Variants in ARHGAP15 observed in about 807,000 individuals in gnomAD.
ARHGAP15 encodes the protein Rho GTPase activating protein 15.
Under a neutral mutation model 63.7 loss-of-function variants are expected in ARHGAP15, and 51 were observed. The observed-to-expected ratio is 0.80, with a 90% CI of 0.64 to 1.01. ARHGAP15 has a LOEUF of 1.01. Among genes scored for constraint, ARHGAP15 ranks in the 50% least tolerant of loss-of-function variants. The probability of loss-of-function intolerance (pLI) is 0.00; values close to 1 mark genes in which losing one functional copy is unlikely to be tolerated. For missense variants in ARHGAP15, 560 were observed against 564.6 expected (o/e 0.99, Z 0.08); for synonymous variants, 191 against 193.8 (o/e 0.99, Z 0.12).
chr2:143,642,681 A>G (rs1238360807), intron 12 of ARHGAP15, among the ~76,000 whole-genome samples: 2 of 152,130 alleles, frequency 1.3e-5, no homozygotes, highest in African/African-American at 4.8e-5. Context: ...CATGTGATCT[A>G]GCAGCACAAT....
chr2:143,740,887 AT>A (rs1000659343), intron 13 of ARHGAP15, among the ~76,000 whole-genome samples: 2 of 151,858 alleles, frequency 1.3e-5, no homozygotes, highest in Non-Finnish European at 2.9e-5. Context: ...CATCCCATCC[AT>A]TTTTTTCCAG....
chr2:143,547,399 G>A (rs548665005), intron 10 of ARHGAP15, among the ~76,000 whole-genome samples: 1 of 152,032 alleles, frequency 6.6e-6, no homozygotes, highest in South Asian at 2.1e-4. Flanking sequence ...TAAGTTAAAA[G>A]GAATCATTTT....
At chr2:143,701,117 G>C (rs1684070437) in intron 12 of ARHGAP15, among the ~76,000 whole-genome samples, 1 of 151,914 alleles carries the variant, frequency 6.6e-6, no homozygotes, top group African/African-American at 2.4e-5. Flanking sequence ...TTATTTATAG[G>C]CCTTTGTGGT....
intron 13 of ARHGAP15, among the ~76,000 whole-genome samples, chr2:143,719,278 C>T (rs948404664): frequency 3.3e-5 from 5 of 152,028 alleles, no homozygotes; most frequent in South Asian, 2.1e-4. Context: ...GTTTGTGATA[C>T]GAAAAGATAA....
At chr2:143,234,259 T>C (rs935071533) in intron 5 of ARHGAP15, among the ~76,000 whole-genome samples, 1 of 152,248 alleles carries the variant, frequency 6.6e-6, no homozygotes, top group Admixed American at 6.5e-5. Flanking sequence ...TTTTATTTTG[T>C]TATAACTAGG....
chr2:143,610,971 C>T (rs1698230253), intron 11 of ARHGAP15, among the ~76,000 whole-genome samples: 1 of 152,092 alleles, frequency 6.6e-6, no homozygotes, highest in Admixed American at 6.6e-5. Flanking sequence ...TCAAGTGATC[C>T]AACCACCTTG....
In ARHGAP15 at chr2:143,622,781, TA is replaced by T. The variant is rs34925907; in HGVS notation, c.1004-1326del. ...CCTTAGAAACGATCGTTCATTTATTTAAAAAAAAAAAAAAAAAAAAAAAAAA... is the reference window on the plus strand; with the variant it reads ...CCTTAGAAACGATCGTTCATTTATTTAAAAAAAAAAAAAAAAAAAAAAAAA... On this transcript the variant is annotated intron_variant, in intron 11 of 13. Coordinates refer to ENST00000295095, the MANE Select transcript of ARHGAP15 (RefSeq NM_018460.4). Among the ~76,000 whole-genome samples the T allele has an allele frequency of 8.8e-3, 961 of 109,034 alleles. 13 individuals carry two copies. Among genetic ancestry groups the T allele is most frequent in the African/African-American group, 0.03 (870 of 28,692 alleles). The allele number at this position is 109,034 out of a possible 152,430, so 71.5% of individuals were successfully genotyped here. A position where few individuals can be genotyped will look rare whatever the true frequency, so the allele number is the denominator to read the frequency against.
At chr2:143,265,284 G>A (rs571336789) in intron 6 of ARHGAP15, among the ~76,000 whole-genome samples, 43 of 151,486 alleles carry the variant, frequency 2.8e-4, no homozygotes, top group African/African-American at 9.2e-4. Context: ...TCATTATTAG[G>A]CCAACAACTG....
chr2:143,428,988 G>A (rs1047885000), intron 6 of ARHGAP15, among the ~76,000 whole-genome samples: 1 of 151,986 alleles, frequency 6.6e-6, no homozygotes, highest in African/African-American at 2.4e-5. Flanking sequence ...AAAATTAAGA[G>A]CAATAAAAGT....
At chr2:143,385,740 C>A (rs925736587) in intron 6 of ARHGAP15, among the ~76,000 whole-genome samples, 2 of 151,956 alleles carry the variant, frequency 1.3e-5, no homozygotes, top group South Asian at 2.1e-4. Flanking sequence ...AAACTAAAGC[C>A]GTTTGTTTGT....
At chr2:143,649,672 T>C (rs1681065477) in intron 12 of ARHGAP15, among the ~76,000 whole-genome samples, 1 of 151,958 alleles carries the variant, frequency 6.6e-6, no homozygotes, top group Non-Finnish European at 1.5e-5. Flanking sequence ...CTCCAGCAGA[T>C]GTAGTCTGTT....
chr2:143,267,911 G>GATAAT (rs1681077308), intron 6 of ARHGAP15, among the ~76,000 whole-genome samples: 1 of 152,026 alleles, frequency 6.6e-6, no homozygotes, highest in African/African-American at 2.4e-5. Context: ...ATACTAAAGT[G>GATAAT]ATAATATTAG....
intron 4 of ARHGAP15, among the ~76,000 whole-genome samples, chr2:143,223,156 AGTATACTGG>A (rs1275455054): frequency 6.6e-6 from 1 of 151,716 alleles, no homozygotes; most frequent in Non-Finnish European, 1.5e-5. Flanking sequence ...TTCTGTTTTT[AGTATACTGG>A]GTTTCGCCAT....
intron 11 of ARHGAP15, among the ~76,000 whole-genome samples, chr2:143,606,056 A>AAAAAAAAAAAAAAAAC (rs1698007713): frequency 7.4e-6 from 1 of 135,580 alleles, no homozygotes; most frequent in Non-Finnish European, 1.6e-5. Flanking sequence ...AAAAAAAAAA[A>AAAAAAAAAAAAAAAAC]AAAAAAAAAA....
chr2:143,585,073 C>A (rs1441749282), intron 11 of ARHGAP15, among the ~76,000 whole-genome samples: 1 of 152,114 alleles, frequency 6.6e-6, no homozygotes, highest in Non-Finnish European at 1.5e-5. Context: ...TTAAAATGTT[C>A]TTTCTAAATT....
chr2:143,632,087 G>A (rs544377410), intron 12 of ARHGAP15, among the ~76,000 whole-genome samples: 2 of 151,744 alleles, frequency 1.3e-5, no homozygotes, highest in East Asian at 3.9e-4. Flanking sequence ...CATGTATACA[G>A]TGTGTAACAA....
intron 12 of ARHGAP15, among the ~76,000 whole-genome samples, chr2:143,663,599 C>T (rs1559111887): frequency 6.6e-6 from 1 of 151,778 alleles, no homozygotes; most frequent in Non-Finnish European, 1.5e-5. Flanking sequence ...CTAAATTTTC[C>T]AATTAAAAGA....
chr2:143,691,086 A>AG (rs1247716259), intron 12 of ARHGAP15, among the ~76,000 whole-genome samples: 2 of 152,214 alleles, frequency 1.3e-5, no homozygotes, highest in South Asian at 2.1e-4. Flanking sequence ...TTTTAAAAGA[A>AG]GGGAAAAAAA....
intron 2 of ARHGAP15, among the ~76,000 whole-genome samples, chr2:143,175,073 G>T (rs552162298): frequency 1.3e-5 from 2 of 152,180 alleles, no homozygotes; most frequent in African/African-American, 4.8e-5. Flanking sequence ...TCTGAAAGTG[G>T]ACACTCTGTA....
Sources: gnomAD v4.1 joint callset for allele counts (sites outside exome capture counted in the v4.1 genomes callset) on GRCh38, gnomAD v4.1.1 for gene constraint, MANE v1.5 for transcripts, NCBI Gene and HGNC (gene_info 2026-07-23, HGNC 2026-07-21) for gene names.